Variants in PTPN21 observed in about 807,000 individuals in gnomAD.
PTPN21 encodes protein tyrosine phosphatase non-receptor type 21.
PTPN21 carries 77 observed loss-of-function variants against 131.8 expected under a neutral mutation model. The observed-to-expected ratio is 0.58, with a 90% CI of 0.49 to 0.71. PTPN21 has a LOEUF of 0.71. PTPN21 is among the 30% of genes least tolerant of loss of function. PTPN21 has a pLI of 0.00. For synonymous variants in PTPN21, 715 were observed against 621.3 expected, an observed-to-expected ratio of 1.15 and a Z score of -2.24; for missense variants, 1,552 against 1,527.1, an observed-to-expected ratio of 1.02 and a Z score of -0.27.
chr14:88,478,854 G>A (rs2077585454), intron 13 of PTPN21, 66 bp downstream of exon 13: 1 of 1,089,018 alleles, frequency 9.2e-7, no homozygotes, highest in South Asian at 2.4e-5. Context: ...GGGACGTGAT[G>A]AGTGAAAGAA....
At chr14:88,477,644 C>G (rs1324667118) in intron 13 of PTPN21, among the ~76,000 whole-genome samples, 1 of 152,026 alleles carries the variant, frequency 6.6e-6, no homozygotes, top group African/African-American at 2.4e-5. Context: ...GCCGTCCTGT[C>G]GGAGTTTGCA....
intron 13 of PTPN21, among the ~76,000 whole-genome samples, chr14:88,476,255 A>G (rs147990989): frequency 6.6e-6 from 1 of 152,338 alleles, no homozygotes; most frequent in African/African-American, 2.4e-5. Context: ...GTCAGAGGGT[A>G]CAATAGGGAA....
chr14:88,492,642 A>C (rs1305084398), intron 10 of PTPN21, among the ~76,000 whole-genome samples: 1 of 152,164 alleles, frequency 6.6e-6, no homozygotes, highest in Non-Finnish European at 1.5e-5. Context: ...TCCTGCCCAG[A>C]GTTTCTCTCA....
intron 3 of PTPN21, among the ~76,000 whole-genome samples, chr14:88,508,702 G>C (rs2078135300): frequency 1.3e-5 from 2 of 152,156 alleles, no homozygotes; most frequent in Admixed American, 6.5e-5. Flanking sequence ...ATAAGAGTTT[G>C]CTTACCTTGT....
At chr14:88,477,132 T>G (rs1214074812) in intron 13 of PTPN21, among the ~76,000 whole-genome samples, 1 of 151,256 alleles carries the variant, frequency 6.6e-6, no homozygotes, top group African/African-American at 2.4e-5. Context: ...CCACACCTTA[T>G]CCTGAATCAC....
chr14:88,546,286 G>A (rs1257705107), intron 2 of PTPN21, among the ~76,000 whole-genome samples: 2 of 151,370 alleles, frequency 1.3e-5, no homozygotes, highest in South Asian at 2.1e-4. Flanking sequence ...GCCCGGGCAC[G>A]TTGGCTCACT....
Position 88,479,821 on chromosome 14 carries a change from A to G in PTPN21, c.1610T>C (p.Val537Ala). The G allele has an allele frequency of 6.5e-7, 1 of 1,547,978 alleles. No homozygotes were observed. The highest frequency in any genetic ancestry group is 8.7e-7 in the Non-Finnish European group (1 of 1,152,540). Reference sequence around the variant, plus strand: ...CGCATTGGTCAGCTCCGGCACGCTGACCGCGCCCACCACGGGCCGCCGCTC... The same window carrying G: ...CGCATTGGTCAGCTCCGGCACGCTGGCCGCGCCCACCACGGGCCGCCGCTC... Reference protein sequence around the residue: ...PAERRPVVGAVSVPELTNAQL... With the variant: ...PAERRPVVGAASVPELTNAQL... Residue 537 changes from valine to alanine, a missense_variant, in exon 13 of 19, where the codon GTC (valine) becomes GCC (alanine). By Grantham distance (64) the Val-to-Ala change is moderately conservative. This residue lies in a region of PTPN21 where 1,016 missense variants were observed against 883.5 expected (regional missense o/e 1.15). Transcript: ENST00000556564.
rs1349093529 is a variant in PTPN21, at chr14:88,468,927, C to G, written c.3385G>C (p.Glu1129Gln). Residue 1129 changes from glutamate to glutamine, a missense_variant, in exon 18 of 19, where the codon GAA (glutamate) becomes CAA (glutamine). Around this residue, in one of 4 missense-constraint regions of PTPN21, gnomAD observed 316 missense variants for 378.5 expected, o/e 0.83. Transcript: ENST00000556564. ...ILSEIMIACL[E>Q]HNEVLDIPRV... is the part of the protein sequence containing the mutation. ...ATAAGCGCCATCACCTCATTGTGTT[C>G]CAGGCAGGCGATCATGATCTCCGAC... is the stretch of plus-strand genomic sequence containing the variant. 1 of 1,614,170 alleles carries G rather than the reference C, an allele frequency of 6.2e-7. No homozygotes were observed. The highest frequency in any genetic ancestry group is 8.5e-7 in the Non-Finnish European group (1 of 1,180,032).
At chr14:88,522,527 A>G (rs937030406) in intron 2 of PTPN21, among the ~76,000 whole-genome samples, 1 of 151,862 alleles carries the variant, frequency 6.6e-6, no homozygotes, top group Non-Finnish European at 1.5e-5. Context: ...ACATCTGAAT[A>G]TTGACTTTGT....
intron 14 of PTPN21, 53 bp from the exon 15 acceptor site, chr14:88,472,518 C>T (rs1595340919): frequency 9.2e-7 from 1 of 1,085,066 alleles, no homozygotes; most frequent in Non-Finnish European, 1.4e-6. Context: ...GTCGTGGCTA[C>T]CTTTTGACTG....
rs892100560 is a variant in PTPN21, at chr14:88,472,408, T to G, written c.2707A>C (p.Ile903Leu). ...QGMVFTEYER[I>L]LKKRLVDGEC... ...CCATCAACTAGCCGTTTCTTAAGAA[T>G]TCTTTCATATTCTGTGAATACCATT... Residue 903 changes from isoleucine (I) to leucine (L), a missense_variant, in exon 15 of 19, where the codon ATT becomes CTT. Transcript: ENST00000556564. 4 of 1,614,014 alleles carry G rather than the reference T, an allele frequency of 2.5e-6. No homozygotes were observed. The African/African-American group carries it at 4.0e-5, about 16-fold the overall frequency.
chr14:88,473,750 G>GC lies in PTPN21; in HGVS notation c.2563dup (p.Ala855GlyfsTer15). ...AGATAGGGAGAGTCCATTTAGGGCA[G>GC]CCAGTTTAAGAGGACCAATTTTTTT... On this transcript the variant is annotated frameshift_variant, in exon 14 of 19. Transcript: ENST00000556564. LOFTEE classifies it high-confidence loss of function. 1 of 1,610,980 alleles carries GC rather than the reference G, an allele frequency of 6.2e-7. No homozygotes were observed. The highest frequency in any genetic ancestry group is 8.5e-7 in the Non-Finnish European group (1 of 1,179,390).
chr14:88,537,166 T>C (rs1045514688), intron 2 of PTPN21, among the ~76,000 whole-genome samples: 2 of 152,192 alleles, frequency 1.3e-5, no homozygotes, highest in Middle Eastern at 3.2e-3. Context: ...GAGTACATCT[T>C]GACCTTCTAA....
At chr14:88,512,633 A>C (rs957916160) in intron 3 of PTPN21, 2 of 152,220 alleles carry the variant, frequency 1.3e-5, no homozygotes, top group African/African-American at 2.4e-5. Context: ...AACATTCCGC[A>C]GTGATAGAAA....
rs559000618 is a variant in PTPN21 at position 88,479,034 on chromosome 14, G to A, written c.2397C>T (p.Ser799=). 4.4e-6 allele frequency: 7 copies of A among 1,607,366 alleles called. No homozygotes were observed. The East Asian group carries it at 1.1e-4, about 26-fold the overall frequency. The change falls in exon 13 of 19, where the codon TCC becomes TCT. Residue 799 remains serine, a synonymous_variant. Transcript: ENST00000556564. The part of the protein sequence containing the change: ...DGLLMPSMSE[S]DLTTSGRYRA... ...GGTAGCGGCCTGACGTGGTGAGGTC[G>A]GACTCCGACATGGAGGGCATCAGCA...
chr14:88,521,419 T>G (rs2078390154), intron 2 of PTPN21, among the ~76,000 whole-genome samples: 1 of 152,034 alleles, frequency 6.6e-6, no homozygotes, highest in Non-Finnish European at 1.5e-5. Flanking sequence ...TTTTTTTTTT[T>G]GAGACGGAGT....
At chr14:88,509,091 G>A (rs781442723) in intron 3 of PTPN21, among the ~76,000 whole-genome samples, 18 of 149,668 alleles carry the variant, frequency 1.2e-4, no homozygotes, top group South Asian at 2.1e-4. Context: ...GAGCATAGCC[G>A]GCTAACAGCA....
intron 2 of PTPN21, among the ~76,000 whole-genome samples, chr14:88,531,099 G>C (rs7147257): frequency 0.94 from 143,294 of 152,264 alleles, 67,861 homozygotes; most frequent in Non-Finnish European, 1. Context: ...TCTCTCAGAC[G>C]ACAATGGAAT....
chr14:88,494,199 G>T (rs891089562), intron 10 of PTPN21, among the ~76,000 whole-genome samples: 1 of 152,130 alleles, frequency 6.6e-6, no homozygotes, highest in Admixed American at 6.5e-5. Flanking sequence ...TGCAATGAGG[G>T]AGCAAGGCAG....
Sources: allele counts gnomAD v4.1 joint callset (sites outside exome capture counted in the v4.1 genomes callset), GRCh38; gene constraint gnomAD v4.1.1; regional missense constraint gnomAD v4.1.1; transcripts MANE v1.5; gene names NCBI Gene and HGNC (gene_info 2026-07-23, HGNC 2026-07-21).